The following PRDM2 variants were observed in gnomAD, a reference collection of about 807,000 sequenced individuals.
PRDM2 encodes PR/SET domain 2, also known as PR domain zinc finger protein 2.
PRDM2 carries 30 observed loss-of-function variants against 130.0 expected under a neutral mutation model. The ratio of observed to expected loss-of-function variants is 0.23; its 90% CI spans 0.17 to 0.31. PRDM2 has a LOEUF of 0.31. Among genes scored for constraint, PRDM2 ranks in the 10% least tolerant of loss-of-function variants. The probability of loss-of-function intolerance (pLI) is 1.00; values close to 1 mark genes in which losing one functional copy is unlikely to be tolerated. For missense variants in PRDM2, 2,011 were observed against 2,108.4 expected (o/e 0.95, Z 0.90); for synonymous variants, 871 against 782.4 (o/e 1.11, Z -1.89).
chr1:13,777,078 A>G (rs1206542443), intron 7 of PRDM2, among the ~76,000 whole-genome samples: 2 of 152,200 alleles, frequency 1.3e-5, no homozygotes, highest in Non-Finnish European at 2.9e-5. Flanking sequence ...CACAACACGC[A>G]CATGCACACA....
At chr1:13,748,775 G>GTCC (rs2100531458) in intron 5 of PRDM2, among the ~76,000 whole-genome samples, 1 of 152,320 alleles carries the variant, frequency 6.6e-6, no homozygotes, top group South Asian at 2.1e-4. Context: ...TTGATGTCCG[G>GTCC]TCCGAAGGGC....
intron 8 of PRDM2, 48 bp from the exon 9 acceptor site, chr1:13,816,379 C>T: frequency 6.2e-7 from 1 of 1,608,032 alleles, no homozygotes; most frequent in Non-Finnish European, 8.5e-7. Flanking sequence ...GTCTAGGGCA[C>T]CGGGCTGGGC....
At position 13,782,139 on chromosome 1, in the gene PRDM2, T is replaced by C. The variant is rs1357104924; in HGVS notation, c.4344T>C (p.Asn1448=). Residue 1448 remains asparagine, a synonymous_variant, in exon 8 of 10, where the codon AAT becomes AAC. Coordinates refer to ENST00000311066, the MANE Select transcript of PRDM2 (RefSeq NM_001393986.1). The part of the protein sequence containing the change: ...KSAKQKADLK[N]ACESSSHICP... ...CAAAGCAGAAGGCCGACTTGAAAAA[T>C]GCTTGTGAGTCATCCTCTCACATCT... The C allele has an allele frequency of 6.2e-7, 1 of 1,613,784 alleles. No homozygotes were observed. The highest frequency in any genetic ancestry group is 2.2e-5 in the East Asian group (1 of 44,878).
chr1:13,706,038 C>T (rs1642201973), intron 1 of PRDM2, among the ~76,000 whole-genome samples: 1 of 151,590 alleles, frequency 6.6e-6, no homozygotes, highest in Non-Finnish European at 1.5e-5. Context: ...AAATATTGTC[C>T]CTACTCCTGA....
At chr1:13,730,086 C>T (rs192860230) in intron 2 of PRDM2, among the ~76,000 whole-genome samples, 1 of 152,118 alleles carries the variant, frequency 6.6e-6, no homozygotes, top group Admixed American at 6.5e-5. Context: ...GAAGTGTTTC[C>T]CTGTGCAGTG....
chr1:13,775,430 AAG>A (rs1644454258), intron 7 of PRDM2, among the ~76,000 whole-genome samples: 2 of 152,194 alleles, frequency 1.3e-5, no homozygotes, highest in African/African-American at 4.8e-5. Context: ...TATCTTTGAA[AAG>A]AGAGGTAGCT....
At chr1:13,823,080 T>G in intron 9 of PRDM2, 79 bp from the exon 10 acceptor site, 3 of 1,352,312 alleles carry the variant, frequency 2.2e-6, no homozygotes, top group Non-Finnish European at 3.1e-6. Context: ...CAAAATTAAG[T>G]GCAATAACGC....
intron 8 of PRDM2, chr1:13,786,447 C>T (rs1430918318): frequency 6.4e-7 from 1 of 1,572,212 alleles, no homozygotes; most frequent in East Asian, 2.2e-5. Flanking sequence ...TCACCTTTTT[C>T]TTTAACATGG....
Position 13,700,223 on chromosome 1 carries a change from C to G in PRDM2, c.-143C>G, listed in dbSNP as rs1215147682. On this transcript the variant is annotated 5_prime_UTR_variant, in exon 1 of 10. Coordinates refer to ENST00000311066, the MANE Select transcript of PRDM2 (RefSeq NM_001393986.1). ...GGAGTCAAGATGGCGGCGGCGCGGC[C>G]GCGGGCGCCGGGGCCGGCGAAACAG... 6.6e-6 allele frequency: 1 copy of G among 152,648 alleles called. No homozygotes were observed. Among genetic ancestry groups the G allele is most frequent in the African/African-American group, 2.4e-5 (1 of 41,274 alleles). 9.5% of individuals were successfully genotyped at this position (152,648 alleles called of 1,614,324 possible). A position where few individuals can be genotyped will look rare whatever the true frequency, so the allele number is the denominator to read the frequency against.
intron 3 of PRDM2, among the ~76,000 whole-genome samples, chr1:13,732,194 A>G (rs1643132998): frequency 6.6e-6 from 1 of 152,222 alleles, no homozygotes; most frequent in African/African-American, 2.4e-5. Context: ...ACTGTGGATG[A>G]ACAGCTATTT....
At position 13,731,983 on chromosome 1, in the gene PRDM2, T is replaced by C. The variant is rs137988689; in HGVS notation, c.128-796T>C. On this transcript the variant is annotated intron_variant, in intron 3 of 9. Transcript: ENST00000311066. Reference sequence around the variant, plus strand: ...CGGACTTACAGAGAAGTGGAATTTGTACATCCTAGCAGGATAGGACTGGCC... The same window carrying C: ...CGGACTTACAGAGAAGTGGAATTTGCACATCCTAGCAGGATAGGACTGGCC... Among the ~76,000 whole-genome samples, 119 of 152,304 alleles carry C rather than the reference T, an allele frequency of 7.8e-4. 1 individual carries two copies. Among genetic ancestry groups the C allele is most frequent in the African/African-American group, 2.8e-3 (115 of 41,566 alleles).
intron 7 of PRDM2, among the ~76,000 whole-genome samples, chr1:13,776,454 G>A (rs1024765216): frequency 6.6e-6 from 1 of 152,186 alleles, no homozygotes; most frequent in Non-Finnish European, 1.5e-5. Context: ...ACGAAACCGC[G>A]ATTACAGCTT....
At chr1:13,798,347 G>A (rs922887640) in intron 8 of PRDM2, among the ~76,000 whole-genome samples, 2 of 152,176 alleles carry the variant, frequency 1.3e-5, no homozygotes, top group Non-Finnish European at 2.9e-5. Context: ...CCGTTCATAG[G>A]TAAATGATCC....
chr1:13,714,090 C>T (rs1451280651), intron 1 of PRDM2, among the ~76,000 whole-genome samples: 7 of 152,100 alleles, frequency 4.6e-5, no homozygotes, highest in Non-Finnish European at 7.4e-5. Context: ...AGGATGGTCT[C>T]GATCTCCTGA....
chr1:13,779,536 A>G lies in PRDM2; in HGVS notation c.1741A>G (p.Ser581Gly), dbSNP rs771743033. The change falls in exon 8 of 10, where the codon AGT becomes GGT. Residue 581 changes from serine to glycine, a missense_variant. Physicochemically the swap from Ser to Gly is moderately conservative, Grantham distance 56 (BLOSUM62 0). Around this residue, in one of 5 missense-constraint regions of PRDM2, gnomAD observed 1,288 missense variants for 1,237.7 expected, o/e 1.04. Transcript: ENST00000311066. The surrounding 1 kb of genome is among the most constrained non-coding windows in gnomAD (Gnocchi z 4.9). The stretch of plus-strand genomic sequence containing the variant: ...TAAAATTCAAACTAATAACAACACT[A>G]GTAACTGTGATGTGATTGAGATGGA... ...DGKIQTNNNTSNCDVIEMESA... is the reference protein window; with the variant it reads ...DGKIQTNNNTGNCDVIEMESA... 42 of 1,613,826 alleles carry G rather than the reference A, an allele frequency of 2.6e-5. No homozygotes were observed. The highest frequency in any genetic ancestry group is 1.1e-5 in the Non-Finnish European group (13 of 1,179,814).
intron 3 of PRDM2, 60 bp downstream of exon 3, chr1:13,731,177 T>G: frequency 7.4e-7 from 1 of 1,346,414 alleles, no homozygotes; most frequent in Non-Finnish European, 1.1e-6. Flanking sequence ...GCAGTGAGGC[T>G]TCCTGCAGGG....
intron 8 of PRDM2, among the ~76,000 whole-genome samples, chr1:13,805,301 G>A (rs909809): frequency 0.015 from 2,283 of 152,326 alleles, 49 homozygotes; most frequent in South Asian, 0.081. Flanking sequence ...CAGCAAGTCC[G>A]TAATGGAGCT....
At chr1:13,769,498 CT>C (rs1364711032) in intron 6 of PRDM2, among the ~76,000 whole-genome samples, 1 of 152,168 alleles carries the variant, frequency 6.6e-6, no homozygotes, top group East Asian at 1.9e-4. Flanking sequence ...CTGGCCTTCA[CT>C]TTCTCCCACA....
At chr1:13,816,596 T>C (rs1645262312) in intron 9 of PRDM2, 26 bp downstream of exon 9, 6 of 1,611,516 alleles carry the variant, frequency 3.7e-6, no homozygotes, top group Non-Finnish European at 5.1e-6. Context: ...GAACAGCTTC[T>C]GGCACTGTTT....
Sources: allele counts gnomAD v4.1 joint callset (sites outside exome capture counted in the v4.1 genomes callset), GRCh38; gene constraint gnomAD v4.1.1; regional missense constraint gnomAD v4.1.1; non-coding constraint Gnocchi (gnomAD v3.1); transcripts MANE v1.5; gene names NCBI Gene and HGNC (gene_info 2026-07-23, HGNC 2026-07-21).